Variants in RIGI observed in about 807,000 individuals in gnomAD.
RIGI encodes the protein RNA sensor RIG-I.
the RIGI span, among the ~76,000 whole-genome samples, chr9:32,480,531 A>C: frequency 2.4e-4 from 36 of 152,372 alleles, no homozygotes; most frequent in East Asian, 6.5e-3. Flanking sequence ...AAATCTTTGA[A>C]CCAAATACTG....
chr9:32,458,889 C>CT, the RIGI span, among the ~76,000 whole-genome samples: 12,207 of 124,802 alleles, frequency 0.098, 986 homozygotes, highest in Admixed American at 0.13. Flanking sequence ...TTTAGCATGA[C>CT]TTTTTTTTTT....
the RIGI span, among the ~76,000 whole-genome samples, chr9:32,469,139 G>A: frequency 1.3e-5 from 2 of 152,168 alleles, no homozygotes; most frequent in Admixed American, 6.5e-5. Flanking sequence ...ATAAGTGGAA[G>A]AGGATGGAGC....
the RIGI span, chr9:32,489,449 C>G: frequency 6.2e-7 from 1 of 1,607,318 alleles, no homozygotes; most frequent in South Asian, 1.1e-5. Context: ...GTATCAGACA[C>G]TTCTGGAATA....
the RIGI span, chr9:32,526,156 T>G: frequency 1.9e-6 from 3 of 1,612,766 alleles, no homozygotes; most frequent in Non-Finnish European, 8.5e-7. Flanking sequence ...GCGTCGCTGC[T>G]CGGTGGTCAT....
chr9:32,466,440 G>T, the RIGI span: 2 of 1,594,068 alleles, frequency 1.3e-6, no homozygotes, highest in Non-Finnish European at 8.5e-7. Context: ...CTCTTCCTCT[G>T]CCTATTAGAA....
chr9:32,492,342 G>A, the RIGI span: 28 of 1,602,170 alleles, frequency 1.7e-5, no homozygotes, highest in Non-Finnish European at 2.2e-5. Flanking sequence ...AAGACCGGTT[G>A]GAATGAGCGA....
At chr9:32,488,987 CTAAT>C in the RIGI span, 17 of 904,976 alleles carry the variant, frequency 1.9e-5, no homozygotes, top group Admixed American at 3.5e-5. Flanking sequence ...ACTGAGCTGA[CTAAT>C]TAATTGATAA....
At chr9:32,457,206 T>G in the RIGI span, 3 of 1,613,848 alleles carry the variant, frequency 1.9e-6, no homozygotes, top group Admixed American at 1.7e-5. Flanking sequence ...GAACTCCAGT[T>G]GCAATATCCT....
the RIGI span, chr9:32,491,258 C>T: frequency 1.2e-6 from 2 of 1,602,272 alleles, no homozygotes; most frequent in Non-Finnish European, 1.7e-6. Flanking sequence ...CACCAAATAC[C>T]AGAAGAGCAC....
the RIGI span, among the ~76,000 whole-genome samples, chr9:32,482,688 G>A: frequency 3.9e-5 from 6 of 151,944 alleles, no homozygotes; most frequent in Non-Finnish European, 8.8e-5. Context: ...GTGAAACCCC[G>A]TTTCTACTAA....
At chr9:32,506,480 T>C in the RIGI span, among the ~76,000 whole-genome samples, 51 of 152,298 alleles carry the variant, frequency 3.3e-4, no homozygotes, top group South Asian at 9.5e-3. Context: ...CCAGTGTCTT[T>C]TGTTTTGGTT....
At chr9:32,474,851 G>T in the RIGI span, among the ~76,000 whole-genome samples, 1 of 152,066 alleles carries the variant, frequency 6.6e-6, no homozygotes, top group African/African-American at 2.4e-5. Flanking sequence ...TAACTAATAC[G>T]GAAGCCATAT....
chr9:32,478,407 T>C, the RIGI span, among the ~76,000 whole-genome samples: 1 of 151,918 alleles, frequency 6.6e-6, no homozygotes, highest in Non-Finnish European at 1.5e-5. Context: ...ACACCTATTG[T>C]TATCTATATG....
chr9:32,482,187 T>TTGTGTG, the RIGI span, among the ~76,000 whole-genome samples: 891 of 145,048 alleles, frequency 6.1e-3, 7 homozygotes, highest in Non-Finnish European at 6.2e-3. Context: ...GTGTGTTTGT[T>TTGTGTG]TGTGTGTGTG....
chr9:32,491,967 C>T, the RIGI span, among the ~76,000 whole-genome samples: 4 of 152,250 alleles, frequency 2.6e-5, no homozygotes, highest in South Asian at 4.1e-4. Context: ...TTCTTTCACC[C>T]GTCGGATTCA....
chr9:32,505,405 T>A, the RIGI span, among the ~76,000 whole-genome samples: 1 of 152,138 alleles, frequency 6.6e-6, no homozygotes, highest in Non-Finnish European at 1.5e-5. Flanking sequence ...TTTCCGGTAT[T>A]TTTATTGTGA....
chr9:32,477,081 GATT>G, the RIGI span: 1 of 1,614,080 alleles, frequency 6.2e-7, no homozygotes, highest in Non-Finnish European at 8.5e-7. Context: ...TCAAGTTTAG[GATT>G]CTCATTGCTG....
the RIGI span, chr9:32,476,960 C>A: frequency 1.9e-6 from 3 of 1,599,278 alleles, no homozygotes; most frequent in Non-Finnish European, 2.6e-6. Flanking sequence ...CATTTGTTAT[C>A]TACAAGGAGA....
chr9:32,492,697 A>G, the RIGI span, among the ~76,000 whole-genome samples: 1 of 152,206 alleles, frequency 6.6e-6, no homozygotes, highest in African/African-American at 2.4e-5. Context: ...CCCATCCAAC[A>G]CAGTCTTTTA....
Sources: allele counts gnomAD v4.1 joint callset (sites outside exome capture counted in the v4.1 genomes callset), GRCh38; gene constraint gnomAD v4.1.1; transcripts MANE v1.5; gene names NCBI Gene and HGNC (gene_info 2026-07-23, HGNC 2026-07-21).